The following GNB4 variants were observed in gnomAD, a reference collection of about 807,000 sequenced individuals.
The protein encoded by GNB4 is guanine nucleotide-binding protein subunit beta-4.
In GNB4, 28 loss-of-function variants were observed where a neutral mutation model predicts 45.2. The observed-to-expected ratio is 0.62, with a 90% CI of 0.46 to 0.85. The LOEUF is 0.85. Ranked by LOEUF, GNB4 falls within the 40% of genes least tolerant of loss-of-function variation. GNB4 has a pLI of 0.00. For missense variants in GNB4, 321 were observed against 425.4 expected (o/e 0.75, Z 2.16); for synonymous variants, 132 against 143.7 (o/e 0.92, Z 0.58).
chr3:179,422,879 G>C (rs975931075), intron 2 of GNB4, among the ~76,000 whole-genome samples: 1 of 152,100 alleles, frequency 6.6e-6, no homozygotes, highest in Non-Finnish European at 1.5e-5. Flanking sequence ...TGCAAGCTCT[G>C]CCTCTCAGGT....
At chr3:179,445,337 T>C (rs1045715330) in intron 1 of GNB4, among the ~76,000 whole-genome samples, 2 of 152,218 alleles carry the variant, frequency 1.3e-5, no homozygotes, top group Non-Finnish European at 2.9e-5. Context: ...CAGGCTGGAG[T>C]GCAGTGGCAT....
At chr3:179,518,667 A>G in the GNB4 span, among the ~76,000 whole-genome samples, 1 of 152,132 alleles carries the variant, frequency 6.6e-6, no homozygotes, top group Non-Finnish European at 1.5e-5. Flanking sequence ...TCCTCTTAAA[A>G]AGGTGGCTGG....
At chr3:179,520,995 A>C in the GNB4 span, among the ~76,000 whole-genome samples, 1 of 152,162 alleles carries the variant, frequency 6.6e-6, no homozygotes, top group Non-Finnish European at 1.5e-5. Flanking sequence ...TCCATCTGCT[A>C]TTCTACTACC....
At chr3:179,445,126 T>A (rs1360081581) in intron 1 of GNB4, among the ~76,000 whole-genome samples, 1 of 152,166 alleles carries the variant, frequency 6.6e-6, no homozygotes, top group Non-Finnish European at 1.5e-5. Flanking sequence ...CCTCCCAAAG[T>A]AGTATTCTCT....
intron 4 of GNB4, among the ~76,000 whole-genome samples, chr3:179,418,186 G>A (rs771686023): frequency 2.6e-5 from 4 of 151,782 alleles, no homozygotes; most frequent in African/African-American, 7.3e-5. Flanking sequence ...TAAGACATTC[G>A]GCCAGGCGCG....
the GNB4 span, among the ~76,000 whole-genome samples, chr3:179,499,292 G>A: frequency 6.6e-6 from 1 of 151,830 alleles, no homozygotes; most frequent in Admixed American, 6.6e-5. Context: ...CGAGCAGCTG[G>A]GACTACAGGC....
the GNB4 span, among the ~76,000 whole-genome samples, chr3:179,475,341 G>A: frequency 1.3e-5 from 2 of 151,714 alleles, no homozygotes; most frequent in African/African-American, 4.8e-5. Context: ...GGAAAGTCTT[G>A]ATCTCCTGAC....
the GNB4 span, among the ~76,000 whole-genome samples, chr3:179,515,912 CATT>C: frequency 6.6e-6 from 1 of 152,060 alleles, no homozygotes; most frequent in Non-Finnish European, 1.5e-5. Flanking sequence ...TTAGAAGAAA[CATT>C]TGTTGTATAG....
the GNB4 span, among the ~76,000 whole-genome samples, chr3:179,516,525 G>A: frequency 6.6e-6 from 1 of 152,196 alleles, no homozygotes; most frequent in East Asian, 1.9e-4. Context: ...GAAGGGAGGG[G>A]GCCTGAACAA....
the GNB4 span, among the ~76,000 whole-genome samples, chr3:179,463,117 T>G: frequency 1.3e-5 from 2 of 152,212 alleles, no homozygotes; most frequent in Admixed American, 1.3e-4. Flanking sequence ...GTTCAATTAC[T>G]GGAAGGAGTT....
rs1714164678 is a variant in GNB4, at chr3:179,397,801, A to G, written c.*3412T>C. ...GCTCGGGTTGGAGTGCAGTGGCGCC[A>G]TCTCAGCTCACCAAAACCTCCACCT... On this transcript the variant is annotated 3_prime_UTR_variant, in exon 10 of 10. Transcript: ENST00000232564. The G allele has an allele frequency of 2.0e-5, 3 of 152,450 alleles. No homozygotes were observed. The highest frequency in any genetic ancestry group is 2.0e-4 in the Admixed American group (3 of 15,268). The allele number at this position is 152,450 out of a possible 1,614,324, so 9.4% of individuals were successfully genotyped here.
upstream of GNB4, chr3:179,452,278 C>A (rs550477857): frequency 6.6e-6 from 1 of 151,636 alleles, no homozygotes; most frequent in South Asian, 2.1e-4. Flanking sequence ...AAAATAAATG[C>A]ATCTATCCAA....
At chr3:179,428,519 ACT>A (rs1715212966) in intron 1 of GNB4, among the ~76,000 whole-genome samples, 1 of 151,878 alleles carries the variant, frequency 6.6e-6, no homozygotes, top group Non-Finnish European at 1.5e-5. Context: ...AGTCCTAGAA[ACT>A]CTCATTATTT....
chr3:179,405,230 A>G lies in GNB4; in HGVS notation c.876T>C (p.Phe292=), dbSNP rs762351518. ...TTAGCGTGTCCCATACATTACAATT[A>G]AAGTCATCGTAACCAGCCAACAAGA... ...GRLLLAGYDD[F]NCNVWDTLKG... The change falls in exon 9 of 10, where the codon TTT becomes TTC. Residue 292 remains phenylalanine, a synonymous_variant. Transcript: ENST00000232564. 5 of 1,614,066 alleles carry G rather than the reference A, an allele frequency of 3.1e-6. No individual in the cohort carries two copies. The highest frequency in any genetic ancestry group is 4.2e-6 in the Non-Finnish European group (5 of 1,180,018).
chr3:179,447,171 G>C (rs1366470477), intron 1 of GNB4, among the ~76,000 whole-genome samples: 1 of 151,868 alleles, frequency 6.6e-6, no homozygotes, highest in Admixed American at 6.6e-5. Context: ...GTCTTCATTG[G>C]GAGAAAGCAT....
intron 1 of GNB4, among the ~76,000 whole-genome samples, chr3:179,427,477 T>C (rs58741861): frequency 0.031 from 4,691 of 152,022 alleles, 214 homozygotes; most frequent in African/African-American, 0.097. Context: ...TGGTGGCACA[T>C]GACTGCAATC....
chr3:179,434,838 C>T (rs1384952772), intron 1 of GNB4, among the ~76,000 whole-genome samples: 1 of 151,830 alleles, frequency 6.6e-6, no homozygotes, highest in African/African-American at 2.4e-5. Flanking sequence ...CGCTTGAACC[C>T]AGGAGTTCAA....
chr3:179,492,917 A>T, the GNB4 span, among the ~76,000 whole-genome samples: 1 of 152,196 alleles, frequency 6.6e-6, no homozygotes, highest in Admixed American at 6.5e-5. Flanking sequence ...ACCACTGCAG[A>T]TACCTGCAGC....
the GNB4 span, among the ~76,000 whole-genome samples, chr3:179,468,206 A>C: frequency 1.3e-5 from 2 of 151,042 alleles, no homozygotes; most frequent in African/African-American, 4.9e-5. Flanking sequence ...TCTAAAAAAC[A>C]AAAACAAGAC....
Sources: gnomAD v4.1 joint callset for allele counts (sites outside exome capture counted in the v4.1 genomes callset) on GRCh38, gnomAD v4.1.1 for gene constraint, MANE v1.5 for transcripts, NCBI Gene and HGNC (gene_info 2026-07-23, HGNC 2026-07-21) for gene names.